The following LRRC20 variants were observed in gnomAD, a reference collection of about 807,000 sequenced individuals.
The protein encoded by LRRC20 is leucine rich repeat containing 20, also known as leucine-rich repeat-containing protein 20.
A neutral mutation model predicts 14.4 loss-of-function variants in LRRC20; 11 were observed. That is an observed-to-expected ratio of 0.77 (90% CI 0.48 to 1.27). LRRC20 has a LOEUF of 1.27. Ranked by LOEUF, LRRC20 falls within the 50% of genes most tolerant of loss-of-function variation. The pLI is 0.00. For missense variants in LRRC20, 219 were observed against 251.2 expected, an observed-to-expected ratio of 0.87 and a Z score of 0.87; for synonymous variants, 121 against 107.3, an observed-to-expected ratio of 1.13 and a Z score of -0.79.
chr10:70,352,890 T>G (rs1843366889), intron 2 of LRRC20, among the ~76,000 whole-genome samples: 1 of 152,204 alleles, frequency 6.6e-6, no homozygotes, highest in African/African-American at 2.4e-5. Context: ...GGAAACTCTT[T>G]ACTTGTTAAC....
chr10:70,300,979 C>T lies in LRRC20; in HGVS notation c.*375G>A. On this transcript the variant is annotated 3_prime_UTR_variant, in exon 5 of 5. Transcript: ENST00000446961. ...CTCAGAAAATACCTGGCAATGCCCA[C>T]CTGTGCCTGCTGATCTGGAGGTAAC... 2 of 1,016,304 alleles carry T rather than the reference C, an allele frequency of 2.0e-6. No individual in the cohort carries two copies. The highest frequency in any genetic ancestry group is 2.4e-6 in the Non-Finnish European group (2 of 850,830). 63.0% of individuals were successfully genotyped at this position (1,016,304 alleles called of 1,614,324 possible). A position where few individuals can be genotyped will look rare whatever the true frequency, so the allele number is the denominator to read the frequency against.
chr10:70,363,355 G>C (rs1287253538), intron 2 of LRRC20, among the ~76,000 whole-genome samples: 1 of 152,012 alleles, frequency 6.6e-6, no homozygotes, highest in Non-Finnish European at 1.5e-5. Context: ...AGAAACCCCA[G>C]AAAAGTCTCT....
intron 2 of LRRC20, among the ~76,000 whole-genome samples, chr10:70,370,585 A>T (rs1297438773): frequency 1.3e-5 from 2 of 152,020 alleles, no homozygotes; most frequent in African/African-American, 2.4e-5. Context: ...AAAGTACAAA[A>T]ATTAAAAATT....
intron 3 of LRRC20, among the ~76,000 whole-genome samples, chr10:70,331,399 T>C (rs933184527): frequency 6.6e-6 from 1 of 152,246 alleles, no homozygotes. Flanking sequence ...ATCTCTTATA[T>C]GGCCCCAAAC....
chr10:70,358,885 G>A (rs936660182), intron 2 of LRRC20, among the ~76,000 whole-genome samples: 23 of 152,248 alleles, frequency 1.5e-4, no homozygotes, highest in African/African-American at 4.8e-4. Context: ...ACCACCCCTC[G>A]CACCCAGTAC....
intron 2 of LRRC20, among the ~76,000 whole-genome samples, chr10:70,359,134 C>T (rs1843629550): frequency 6.6e-6 from 1 of 152,126 alleles, no homozygotes; most frequent in Non-Finnish European, 1.5e-5. Context: ...ATCCTGGAAT[C>T]TGCCTTGACA....
chr10:70,338,727 C>T (rs978968377), intron 3 of LRRC20, among the ~76,000 whole-genome samples: 7 of 152,200 alleles, frequency 4.6e-5, no homozygotes, highest in South Asian at 2.1e-4. Context: ...GTGGCACGAT[C>T]GCAGCTCACT....
chr10:70,377,138 A>G (rs1844540298), intron 1 of LRRC20, among the ~76,000 whole-genome samples: 1 of 152,208 alleles, frequency 6.6e-6, no homozygotes, highest in Non-Finnish European at 1.5e-5. Flanking sequence ...TCCCATCAGA[A>G]CACACGGACT....
intron 2 of LRRC20, among the ~76,000 whole-genome samples, chr10:70,375,235 C>T (rs918718910): frequency 1.3e-5 from 2 of 152,214 alleles, no homozygotes; most frequent in African/African-American, 4.8e-5. Context: ...GGAAATGCCT[C>T]TCGCCTTAGC....
At chr10:70,304,483 T>TATATATATATATATATATATATATATAC (rs1841336665) in intron 4 of LRRC20, among the ~76,000 whole-genome samples, 1 of 67,446 alleles carries the variant, frequency 1.5e-5, no homozygotes, top group Admixed American at 1.2e-4. Flanking sequence ...TATATATATA[T>TATATATATATATATATATATATATATAC]ATATATATAT....
Position 70,301,362 on chromosome 10 carries a change from G to C in LRRC20, c.547C>G (p.Leu183Val). 1 of 1,612,428 alleles carries C rather than the reference G, an allele frequency of 6.2e-7. No individual in the cohort carries two copies. The highest frequency in any genetic ancestry group is 8.5e-7 in the Non-Finnish European group (1 of 1,179,680). ...LMSPEGARAP[L>V]P ...GGCATGAGGAGGGTGGCCTAAGGTA[G>C]GGGGGCTCTTGCGCCTTCCGGAGAC... Residue 183 changes from leucine (L) to valine (V), a missense_variant, in exon 5 of 5, where the codon CTA (leucine) becomes GTA (valine). Physicochemically the swap from Leu to Val is conservative, Grantham distance 32. Transcript: ENST00000446961.
chr10:70,365,686 C>T (rs1843959636), intron 2 of LRRC20, among the ~76,000 whole-genome samples: 1 of 148,842 alleles, frequency 6.7e-6, no homozygotes, highest in African/African-American at 2.5e-5. Context: ...GGGCAACATA[C>T]CAAGACCCCA....
chr10:70,316,787 G>A (rs1589949918), intron 4 of LRRC20, among the ~76,000 whole-genome samples: 1 of 152,372 alleles, frequency 6.6e-6, no homozygotes, highest in Admixed American at 6.5e-5. Flanking sequence ...TTTGTCTAAT[G>A]ACCACCTCCT....
intron 2 of LRRC20, among the ~76,000 whole-genome samples, chr10:70,342,139 A>C (rs930367339): frequency 6.6e-5 from 10 of 152,090 alleles, no homozygotes; most frequent in South Asian, 4.2e-4. Context: ...TCTCTACTAA[A>C]AATACAAAAA....
In LRRC20 at chr10:70,380,134, T is replaced by C. The variant is rs564585686; in HGVS notation, c.-64+2415A>G. On this transcript the variant is annotated intron_variant, in intron 1 of 4. Coordinates refer to ENST00000446961, the MANE Select transcript of LRRC20 (RefSeq NM_001278212.2). ...GACCACTGATGAAAACTAGTCAGAT[T>C]AAAAATTTCACCACTGGTGGCAAGT... Among the ~76,000 whole-genome samples, 4 of 152,192 alleles carry C rather than the reference T, an allele frequency of 2.6e-5. No homozygotes were observed. In the East Asian group the frequency reaches 7.7e-4, roughly 29 times the overall value.
chr10:70,302,739 T>C (rs1276851305), intron 4 of LRRC20, among the ~76,000 whole-genome samples: 10 of 150,988 alleles, frequency 6.6e-5, no homozygotes, highest in Non-Finnish European at 1.0e-4. Flanking sequence ...GAGACGGAGT[T>C]TCGCTCTGTC....
intron 3 of LRRC20, among the ~76,000 whole-genome samples, chr10:70,330,454 T>C (rs79211761): frequency 0.03 from 4,600 of 151,956 alleles, 221 homozygotes; most frequent in African/African-American, 0.1. Context: ...GAGCTGCTTC[T>C]AGGCCCCCTC....
rs1033599017 is a variant in LRRC20 at position 70,376,834 on chromosome 10, C to T, written c.-63-238G>A. The T allele has an allele frequency of 2.9e-5, 12 of 414,866 alleles. No homozygotes were observed. The East Asian group carries it at 5.7e-4, about 20-fold the overall frequency. The allele number at this position is 414,866 out of a possible 1,614,324, so 25.7% of individuals were successfully genotyped here. The stretch of plus-strand genomic sequence containing the variant: ...TCTACTGGTTTTCTGGGAGGATCAA[C>T]ATGTGTGACCTCACCAGACATGGGG... On this transcript the variant is annotated intron_variant, in intron 1 of 4. Transcript: ENST00000446961.
chr10:70,304,134 G>A lies in LRRC20; in HGVS notation c.401-2626C>T, dbSNP rs138651028. On this transcript the variant is annotated intron_variant, in intron 4 of 4. Transcript: ENST00000446961. The stretch of plus-strand genomic sequence containing the variant: ...AGGATCACTCAGACAACACTAGGAC[G>A]CTTGCCCTCGACGCGTGCCCTGTGC... Among the ~76,000 whole-genome samples, 183 of 152,120 alleles carry A rather than the reference G, an allele frequency of 1.2e-3. 2 individuals are homozygous for A. Among genetic ancestry groups the A allele is most frequent in the African/African-American group, 4.1e-3 (170 of 41,504 alleles).
Sources: allele counts gnomAD v4.1 joint callset (sites outside exome capture counted in the v4.1 genomes callset), GRCh38; gene constraint gnomAD v4.1.1; transcripts MANE v1.5; gene names NCBI Gene and HGNC (gene_info 2026-07-23, HGNC 2026-07-21).